EPB41L4B: variants seen among roughly 807,000 people sequenced by gnomAD.
EPB41L4B encodes erythrocyte membrane protein band 4.1 like 4B, also known as band 4.1-like protein 4B.
In EPB41L4B, 30 loss-of-function variants were observed where a neutral mutation model predicts 112.5. That is an observed-to-expected ratio of 0.27 (90% CI 0.20 to 0.36). The LOEUF is 0.36. EPB41L4B is among the 10% of genes least tolerant of loss of function. The pLI is 1.00. For synonymous variants in EPB41L4B, 408 were observed against 439.7 expected, an observed-to-expected ratio of 0.93 and a Z score of 0.90; for missense variants, 1,024 against 1,133.3, an observed-to-expected ratio of 0.90 and a Z score of 1.38.
chr9:109,294,089 G>A (rs963963346), intron 1 of EPB41L4B, among the ~76,000 whole-genome samples: 2 of 150,740 alleles, frequency 1.3e-5, no homozygotes, highest in African/African-American at 2.4e-5. Context: ...GGCAGATCAC[G>A]AGGTCAGGAG....
At chr9:109,305,302 A>C (rs1001453692) in intron 1 of EPB41L4B, among the ~76,000 whole-genome samples, 1 of 152,162 alleles carries the variant, frequency 6.6e-6, no homozygotes, top group Non-Finnish European at 1.5e-5. Context: ...CTAGGCCCTT[A>C]AGGGATAAGA....
intron 21 of EPB41L4B, among the ~76,000 whole-genome samples, chr9:109,192,621 C>T (rs10816781): frequency 0.14 from 21,707 of 152,030 alleles, 3,167 homozygotes; most frequent in African/African-American, 0.37. Context: ...TAGTGCTTTT[C>T]TACTGGTCTT....
intron 15 of EPB41L4B, among the ~76,000 whole-genome samples, chr9:109,238,281 T>C (rs764576749): frequency 6.6e-6 from 1 of 152,154 alleles, no homozygotes; most frequent in Non-Finnish European, 1.5e-5. Context: ...TACAGCATGA[T>C]ACCAATGCCT....
Position 109,176,596 on chromosome 9 carries a change from A to G in EPB41L4B, c.2588T>C (p.Val863Ala). 3.1e-6 allele frequency: 5 copies of G among 1,614,106 alleles called. No individual in the cohort carries two copies. Among genetic ancestry groups the G allele is most frequent in the Non-Finnish European group, 4.2e-6 (5 of 1,180,004 alleles). The change falls in exon 25 of 26, where the codon GTG becomes GCG. Residue 863 changes from valine (V) to alanine (A), a missense_variant. Coordinates refer to ENST00000374566, the MANE Select transcript of EPB41L4B (RefSeq NM_019114.5). Reference sequence around the variant, plus strand: ...TTTCCGGGTGGTGTAAATGGTCTGCACTGTGGAGACGGTCTCTGTCAAAGG... The same window carrying G: ...TTTCCGGGTGGTGTAAATGGTCTGCGCTGTGGAGACGGTCTCTGTCAAAGG... ...LRPLTETVST[V>A]QTIYTTRKPV...
intron 21 of EPB41L4B, among the ~76,000 whole-genome samples, chr9:109,193,851 A>G (rs887822924): frequency 1.3e-5 from 2 of 152,106 alleles, no homozygotes; most frequent in South Asian, 4.2e-4. Flanking sequence ...GGACACTTCT[A>G]TGTTTTTGCT....
At position 109,177,583 on chromosome 9, in the gene EPB41L4B, A is replaced by C. The variant is rs140638900; in HGVS notation, c.2488-887T>G. On this transcript the variant is annotated intron_variant, in intron 24 of 25. Coordinates refer to ENST00000374566, the MANE Select transcript of EPB41L4B (RefSeq NM_019114.5). The stretch of plus-strand genomic sequence containing the variant: ...ACACCTGTAATCCCAACACTTTGGG[A>C]GGTCGAGGTGGGTGGATCACCTGAG... Among the ~76,000 whole-genome samples, 731 of 152,310 alleles carry C rather than the reference A, an allele frequency of 4.8e-3. 2 individuals are homozygous for C. The highest frequency in any genetic ancestry group is 7.5e-3 in the Non-Finnish European group (511 of 68,026).
At chr9:109,183,084 C>T (rs1321205365) in intron 23 of EPB41L4B, among the ~76,000 whole-genome samples, 1 of 152,086 alleles carries the variant, frequency 6.6e-6, no homozygotes, top group Non-Finnish European at 1.5e-5. Flanking sequence ...CTGCCTTCAG[C>T]GGGATCTGCT....
chr9:109,188,110 T>A (rs1832334876), intron 22 of EPB41L4B, among the ~76,000 whole-genome samples: 1 of 152,130 alleles, frequency 6.6e-6, no homozygotes, highest in South Asian at 2.1e-4. Flanking sequence ...AAAATCTGAC[T>A]CTCGGGGAAA....
At position 109,208,021 on chromosome 9, in the gene EPB41L4B, G is replaced by A. The variant is rs1336075091; in HGVS notation, c.1781C>T (p.Thr594Ile). Residue 594 changes from threonine to isoleucine, a missense_variant, in exon 18 of 26, where the codon ACT becomes ATT. Thr to Ile is a moderately conservative substitution (Grantham distance 89). Transcript: ENST00000374566. ...KAEEKKVSEK[T>I]LQTPLLPSPV... Reference sequence around the variant, plus strand: ...GGAAGGCAAAAGTGGAGTCTGAAGAGTTTTCTCCGAGACTTTCTTTTCTTC... The same window carrying A: ...GGAAGGCAAAAGTGGAGTCTGAAGAATTTTCTCCGAGACTTTCTTTTCTTC... The A allele has an allele frequency of 1.2e-6, 2 of 1,614,112 alleles. No individual in the cohort carries two copies. Among genetic ancestry groups the A allele is most frequent in the East Asian group, 2.2e-5 (1 of 44,882 alleles).
chr9:109,273,215 G>A (rs1018631865), intron 2 of EPB41L4B, among the ~76,000 whole-genome samples: 2 of 152,018 alleles, frequency 1.3e-5, no homozygotes, highest in Admixed American at 6.5e-5. Context: ...CCAGCATTCA[G>A]AGACAGGATG....
At chr9:109,314,826 T>C (rs1837573626) in intron 1 of EPB41L4B, among the ~76,000 whole-genome samples, 1 of 152,108 alleles carries the variant, frequency 6.6e-6, no homozygotes, top group Admixed American at 6.5e-5. Flanking sequence ...CCCAGAGCCC[T>C]GGGATAAGCC....
In EPB41L4B at chr9:109,173,112, C is replaced by A. The variant is rs1463770266; in HGVS notation, c.*1442G>T. ...AACTCTTCAAGAACAACTATACATA[C>A]CTATTAAACTAGCAAAAATAAATAA... On this transcript the variant is annotated 3_prime_UTR_variant, in exon 26 of 26. Coordinates refer to ENST00000374566, the MANE Select transcript of EPB41L4B (RefSeq NM_019114.5). 1 of 152,578 alleles carries A rather than the reference C, an allele frequency of 6.6e-6. No homozygotes were observed. The highest frequency in any genetic ancestry group is 2.4e-5 in the African/African-American group (1 of 41,420). 9.5% of individuals were successfully genotyped at this position (152,578 alleles called of 1,614,324 possible).
intron 15 of EPB41L4B, among the ~76,000 whole-genome samples, chr9:109,239,254 G>C (rs1834267994): frequency 6.6e-6 from 1 of 152,216 alleles, no homozygotes; most frequent in African/African-American, 2.4e-5. Flanking sequence ...TGGCGACAGG[G>C]AGAAGAGTTG....
chr9:109,271,572 G>A (rs926102659), intron 2 of EPB41L4B, among the ~76,000 whole-genome samples: 50 of 152,278 alleles, frequency 3.3e-4, no homozygotes, highest in African/African-American at 1.1e-3. Context: ...TGGCTTGAAC[G>A]CTGGGGCAAT....
At chr9:109,210,951 CGTCT>C (rs1165302007) in intron 17 of EPB41L4B, among the ~76,000 whole-genome samples, 1 of 152,064 alleles carries the variant, frequency 6.6e-6, no homozygotes, top group African/African-American at 2.4e-5. Flanking sequence ...GGAAATAGTC[CGTCT>C]GTTTGGGGAT....
intron 2 of EPB41L4B, among the ~76,000 whole-genome samples, chr9:109,272,622 G>C (rs1310444220): frequency 1.3e-5 from 2 of 151,934 alleles, no homozygotes; most frequent in African/African-American, 2.4e-5. Context: ...GTGTGGTGGT[G>C]CATACCTGTA....
intron 15 of EPB41L4B, among the ~76,000 whole-genome samples, chr9:109,231,325 T>C (rs1247127882): frequency 6.6e-6 from 1 of 152,202 alleles, no homozygotes; most frequent in Non-Finnish European, 1.5e-5. Flanking sequence ...GAATCCATGC[T>C]AGATGGGGAG....
chr9:109,239,960 G>C (rs560156716), intron 15 of EPB41L4B: 12 of 985,326 alleles, frequency 1.2e-5, no homozygotes, highest in Middle Eastern at 5.2e-4. Context: ...ATGAAGAAAG[G>C]CATCAGCTGC....
chr9:109,270,605 T>C (rs1477279667), intron 2 of EPB41L4B, among the ~76,000 whole-genome samples: 1 of 152,240 alleles, frequency 6.6e-6, no homozygotes, highest in African/African-American at 2.4e-5. Flanking sequence ...ACTAAAACTG[T>C]TCTTTTCACT....
Sources: gnomAD v4.1 joint callset for allele counts (sites outside exome capture counted in the v4.1 genomes callset) on GRCh38, gnomAD v4.1.1 for gene constraint, MANE v1.5 for transcripts, NCBI Gene and HGNC (gene_info 2026-07-23, HGNC 2026-07-21) for gene names.